MACROD2: variants seen among roughly 807,000 people sequenced by gnomAD.
The protein encoded by MACROD2 is mono-ADP ribosylhydrolase 2.
A neutral mutation model predicts 70.4 loss-of-function variants in MACROD2; 36 were observed. That is an observed-to-expected ratio of 0.51 (90% CI 0.39 to 0.68). MACROD2 has a LOEUF of 0.68. MACROD2 is among the 30% of genes least tolerant of loss of function. MACROD2 has a pLI of 0.00. For missense variants in MACROD2, 496 were observed against 538.4 expected, an observed-to-expected ratio of 0.92 and a Z score of 0.78; for synonymous variants, 172 against 178.8, an observed-to-expected ratio of 0.96 and a Z score of 0.30.
intron 5 of MACROD2, among the ~76,000 whole-genome samples, chr20:15,215,482 CT>C (rs1330455391): frequency 6.6e-6 from 1 of 151,932 alleles, no homozygotes; most frequent in African/African-American, 2.4e-5. Context: ...TACTAGTGTT[CT>C]TTTCTTATTT....
intron 13 of MACROD2, among the ~76,000 whole-genome samples, chr20:15,981,976 T>C (rs2147454958): frequency 6.7e-6 from 1 of 149,178 alleles, no homozygotes. Flanking sequence ...CAGACATACT[T>C]TTTTTTTTTG....
At chr20:14,077,339 TTACAC>T (rs1477067770) in intron 2 of MACROD2, among the ~76,000 whole-genome samples, 1 of 152,176 alleles carries the variant, frequency 6.6e-6, no homozygotes, top group Non-Finnish European at 1.5e-5. Context: ...TTCTGAAAGA[TTACAC>T]TATAAAGAAA....
intron 4 of MACROD2, among the ~76,000 whole-genome samples, chr20:14,576,623 G>A (rs1980618206): frequency 6.6e-6 from 1 of 152,088 alleles, no homozygotes. Context: ...TAATTAAAAG[G>A]CATGGATCCA....
At chr20:15,643,316 G>A (rs543774713) in intron 8 of MACROD2, among the ~76,000 whole-genome samples, 4 of 152,182 alleles carry the variant, frequency 2.6e-5, no homozygotes, top group Non-Finnish European at 5.9e-5. Context: ...TACCCTCTTC[G>A]TCACCTGGAC....
intron 3 of MACROD2, among the ~76,000 whole-genome samples, chr20:14,299,707 TA>T (rs2122482785): frequency 6.6e-6 from 1 of 152,324 alleles, no homozygotes; most frequent in Admixed American, 6.5e-5. Context: ...CATAACTACT[TA>T]ACCTGGGAAT....
At chr20:15,583,326 G>A (rs1312520153) in intron 8 of MACROD2, among the ~76,000 whole-genome samples, 1 of 152,180 alleles carries the variant, frequency 6.6e-6, no homozygotes, top group African/African-American at 2.4e-5. Flanking sequence ...AAAGTATAGG[G>A]AACACATTTA....
chr20:14,548,263 T>G (rs1360240067), intron 4 of MACROD2, among the ~76,000 whole-genome samples: 1 of 152,172 alleles, frequency 6.6e-6, no homozygotes, highest in Non-Finnish European at 1.5e-5. Flanking sequence ...ATTTGCTGTT[T>G]CTTGAGTAAA....
chr20:14,934,192 C>T (rs776361911), intron 5 of MACROD2, among the ~76,000 whole-genome samples: 1 of 152,146 alleles, frequency 6.6e-6, no homozygotes, highest in Non-Finnish European at 1.5e-5. Context: ...TCTGTCTGCC[C>T]TTCTGGCCCT....
chr20:15,696,604 G>A (rs1194958321), intron 8 of MACROD2, among the ~76,000 whole-genome samples: 3 of 150,232 alleles, frequency 2.0e-5, no homozygotes, highest in Non-Finnish European at 4.4e-5. Context: ...TTGTGGAATT[G>A]TGTCAAAAGG....
intron 3 of MACROD2, among the ~76,000 whole-genome samples, chr20:14,110,458 G>T (rs937041046): frequency 6.6e-6 from 1 of 151,850 alleles, no homozygotes; most frequent in Non-Finnish European, 1.5e-5. Flanking sequence ...TTTTCAGATG[G>T]TATGATCTTA....
intron 15 of MACROD2, among the ~76,000 whole-genome samples, chr20:16,006,089 G>A (rs908693526): frequency 1.3e-5 from 2 of 152,286 alleles, no homozygotes; most frequent in Non-Finnish European, 1.5e-5. Flanking sequence ...GGTAACCACA[G>A]GAGAGCCACT....
intron 8 of MACROD2, among the ~76,000 whole-genome samples, chr20:15,507,314 C>G (rs564395531): frequency 6.6e-6 from 1 of 151,434 alleles, no homozygotes; most frequent in East Asian, 1.9e-4. Context: ...CTTCCTTCCT[C>G]CCTCCCTTCC....
intron 4 of MACROD2, among the ~76,000 whole-genome samples, chr20:14,594,332 A>T (rs1022959822): frequency 1.3e-5 from 2 of 152,248 alleles, no homozygotes; most frequent in African/African-American, 2.4e-5. Flanking sequence ...ATATTTAGAA[A>T]TTACAAGGCA....
At chr20:14,524,324 C>T (rs1206546522) in intron 4 of MACROD2, among the ~76,000 whole-genome samples, 2 of 152,112 alleles carry the variant, frequency 1.3e-5, no homozygotes, top group African/African-American at 2.4e-5. Flanking sequence ...ATGTCCTTTC[C>T]GATATAATTA....
chr20:15,439,201 C>G (rs1474372935), intron 7 of MACROD2, among the ~76,000 whole-genome samples: 1 of 152,146 alleles, frequency 6.6e-6, no homozygotes. Context: ...GTTCTGACTT[C>G]TCCGAATGTA....
chr20:14,706,693 C>T (rs1357173049), intron 5 of MACROD2, among the ~76,000 whole-genome samples: 1 of 152,056 alleles, frequency 6.6e-6, no homozygotes. Flanking sequence ...TCCTTTTGCT[C>T]CGCTTTATTC....
At chr20:14,493,642 T>C (rs1313385622) in intron 4 of MACROD2, 134 bp downstream of exon 4, 5 of 655,110 alleles carry the variant, frequency 7.6e-6, no homozygotes, top group Non-Finnish European at 1.3e-5. Context: ...TGTTAATCTT[T>C]CAAAAATAAT....
chr20:15,434,333 A>G (rs2046400694), intron 7 of MACROD2, among the ~76,000 whole-genome samples: 1 of 149,312 alleles, frequency 6.7e-6, no homozygotes, highest in Admixed American at 6.7e-5. Context: ...ATCAGCAAGA[A>G]AAAAAAAATC....
At chr20:15,445,481 T>C (rs1417787871) in intron 7 of MACROD2, among the ~76,000 whole-genome samples, 3 of 152,074 alleles carry the variant, frequency 2.0e-5, no homozygotes, top group Non-Finnish European at 2.9e-5. Flanking sequence ...AGAGTAATTA[T>C]AGTTATTTGT....
Sources: gnomAD v4.1 joint callset for allele counts (sites outside exome capture counted in the v4.1 genomes callset) on GRCh38, gnomAD v4.1.1 for gene constraint, MANE v1.5 for transcripts, NCBI Gene and HGNC (gene_info 2026-07-23, HGNC 2026-07-21) for gene names.